GRAMD4: variants seen among roughly 807,000 people sequenced by gnomAD.
GRAMD4 encodes the protein GRAM domain containing 4, also known as GRAM domain-containing protein 4.
A neutral mutation model predicts 83.9 loss-of-function variants in GRAMD4; 25 were observed. The observed-to-expected ratio is 0.30, with a 90% CI of 0.22 to 0.42. GRAMD4 has a LOEUF of 0.42. Among genes scored for constraint, GRAMD4 ranks in the 10% least tolerant of loss-of-function variants. The probability of loss-of-function intolerance (pLI) is 1.00; values close to 1 mark genes in which losing one functional copy is unlikely to be tolerated. For missense variants in GRAMD4, 593 were observed against 788.7 expected, an observed-to-expected ratio of 0.75 and a Z score of 2.97; for synonymous variants, 336 against 320.9, an observed-to-expected ratio of 1.05 and a Z score of -0.50.
chr22:46,589,542 T>TG (rs376672805), intron 1 of GRAMD4, among the ~76,000 whole-genome samples: 10 of 150,760 alleles, frequency 6.6e-5, no homozygotes, highest in African/African-American at 2.4e-4. Flanking sequence ...CCAGGGGATG[T>TG]GGGGGGTGGC....
At chr22:46,669,267 G>A (rs576366593) in intron 13 of GRAMD4, among the ~76,000 whole-genome samples, 88 of 152,348 alleles carry the variant, frequency 5.8e-4, no homozygotes, top group Non-Finnish European at 9.1e-4. Context: ...GTCATGGAGA[G>A]CCTGAGAGCC....
At chr22:46,611,996 CAAA>C (rs61392000) in intron 1 of GRAMD4, among the ~76,000 whole-genome samples, 3 of 50,158 alleles carry the variant, frequency 6.0e-5, no homozygotes, top group East Asian at 7.7e-4. Context: ...GACTCCATCT[CAAA>C]AAAAAAAAAA....
intron 9 of GRAMD4, 104 bp from the exon 10 acceptor site, chr22:46,666,721 G>T: frequency 1.1e-6 from 1 of 942,900 alleles, no homozygotes; most frequent in Non-Finnish European, 1.7e-6. Flanking sequence ...GGACCTAGAA[G>T]GGCCCCCTCC....
At chr22:46,601,163 A>C (rs2081308727) in intron 1 of GRAMD4, among the ~76,000 whole-genome samples, 2 of 151,512 alleles carry the variant, frequency 1.3e-5, no homozygotes, top group African/African-American at 2.4e-5. Context: ...AAAAATCACT[A>C]CTTAAAAAAA....
chr22:46,626,751 G>A lies in GRAMD4; in HGVS notation c.-49G>A. On this transcript the variant is annotated splice_region_variant and 5_prime_UTR_variant, in exon 2 of 19. Transcript: ENST00000406902. ...GAGTGACCACGCCCCTCTCTTGCAG[G>A]GAACCCGAGCGTCATGTTAGGGTGA... 1 of 1,592,914 alleles carries A rather than the reference G, an allele frequency of 6.3e-7. No homozygotes were observed. Among genetic ancestry groups the A allele is most frequent in the Non-Finnish European group, 8.6e-7 (1 of 1,164,590 alleles).
rs1319529238 is a variant in GRAMD4, at chr22:46,679,275, G to C, written c.*2024G>C. 1 of 985,516 alleles carries C rather than the reference G, an allele frequency of 1.0e-6. No homozygotes were observed. The highest frequency in any genetic ancestry group is 4.7e-5 in the South Asian group (1 of 21,290). The allele number at this position is 985,516 out of a possible 1,614,324, so 61.0% of individuals were successfully genotyped here. A position where few individuals can be genotyped will look rare whatever the true frequency, so the allele number is the denominator to read the frequency against. On this transcript the variant is annotated 3_prime_UTR_variant, in exon 19 of 19. Coordinates refer to ENST00000406902, the MANE Select transcript of GRAMD4 (RefSeq NM_015124.5). ...CCCTGGGGCAGATGGGGCTTTACCA[G>C]CGTCGGGTGGTTTAGTTCGAGTCCC... is the stretch of plus-strand genomic sequence containing the variant.
At chr22:46,593,491 A>G (rs1305010726) in intron 1 of GRAMD4, among the ~76,000 whole-genome samples, 3 of 152,152 alleles carry the variant, frequency 2.0e-5, no homozygotes, top group Non-Finnish European at 4.4e-5. Context: ...CGCAGGGCCT[A>G]CCGAGAGTCC....
upstream of GRAMD4, among the ~76,000 whole-genome samples, chr22:46,616,630 C>CTG (rs2081500572): frequency 2.4e-5 from 3 of 126,318 alleles, no homozygotes; most frequent in East Asian, 2.6e-4. Flanking sequence ...GTAGGTTCCC[C>CTG]TGTGTGTACG....
chr22:46,661,932 C>A (rs1318703068), intron 5 of GRAMD4, among the ~76,000 whole-genome samples: 2 of 152,220 alleles, frequency 1.3e-5, no homozygotes, highest in South Asian at 4.1e-4. Context: ...TATCTTGCCC[C>A]ACGCCCTGCA....
chr22:46,617,418 G>A (rs1158422426), upstream of GRAMD4, among the ~76,000 whole-genome samples: 7 of 146,542 alleles, frequency 4.8e-5, no homozygotes, highest in Non-Finnish European at 1.0e-4. Flanking sequence ...GTTCCCCTGT[G>A]TGTAGGTTCC....
intron 1 of GRAMD4, among the ~76,000 whole-genome samples, chr22:46,625,298 G>T (rs560704458): frequency 5.7e-4 from 87 of 152,352 alleles, no homozygotes; most frequent in Non-Finnish European, 8.5e-4. Context: ...TGTGTCTTCG[G>T]TCCTCACTGT....
intron 1 of GRAMD4, among the ~76,000 whole-genome samples, chr22:46,586,294 C>T (rs1295051106): frequency 6.6e-6 from 1 of 152,164 alleles, no homozygotes; most frequent in Non-Finnish European, 1.5e-5. Flanking sequence ...ACGTGCCCCA[C>T]CCCCATCCTC....
rs919759896 is a variant in GRAMD4 at position 46,660,733 on chromosome 22, C to T, written c.405-648C>T. 4.6e-5 allele frequency among the ~76,000 whole-genome samples: 7 copies of T among 152,222 alleles called. No individual in the cohort carries two copies. In the East Asian group the frequency reaches 5.8e-4, roughly 13 times the overall value. On this transcript the variant is annotated intron_variant, in intron 4 of 18. Coordinates refer to ENST00000406902, the MANE Select transcript of GRAMD4 (RefSeq NM_015124.5). ...GCCGTGCCCTGTGTGCCCTGTGCTCCGCCCTCTGTTCTCTTCTCAGGGTTT... is the reference window on the plus strand; with the variant it reads ...GCCGTGCCCTGTGTGCCCTGTGCTCTGCCCTCTGTTCTCTTCTCAGGGTTT...
chr22:46,667,354 A>G (rs2082425813), intron 10 of GRAMD4, among the ~76,000 whole-genome samples: 2 of 152,108 alleles, frequency 1.3e-5, no homozygotes, highest in African/African-American at 4.8e-5. Context: ...AAACAGAACA[A>G]CGACAACAAA....
rs201041889 is a variant in GRAMD4, at chr22:46,648,699, C to CATGGATGG, written c.284-9468_284-9461dup. 2.3e-3 allele frequency among the ~76,000 whole-genome samples: 269 copies of CATGGATGG among 118,284 alleles called. 4 individuals are homozygous for CATGGATGG. The highest frequency in any genetic ancestry group is 8.0e-3 in the African/African-American group (241 of 30,100). The allele number at this position is 118,284 out of a possible 152,430, so 77.6% of individuals were successfully genotyped here. ...TGGGTAAATGATTGATGGATGGATG[C>CATGGATGG]ATGGATGGATGGATGGATGGATGGA... is the stretch of plus-strand genomic sequence containing the variant. On this transcript the variant is annotated intron_variant, in intron 3 of 18. Transcript: ENST00000406902.
intron 3 of GRAMD4, among the ~76,000 whole-genome samples, chr22:46,638,830 G>T (rs114202172): frequency 6.6e-6 from 1 of 152,162 alleles, no homozygotes; most frequent in East Asian, 1.9e-4. Context: ...GCTTACGACC[G>T]GGGTGCACAG....
chr22:46,613,687 A>C (rs536590617), intron 1 of GRAMD4, among the ~76,000 whole-genome samples: 7 of 152,310 alleles, frequency 4.6e-5, no homozygotes, highest in African/African-American at 1.7e-4. Flanking sequence ...GGGTGCCAGG[A>C]TGGGGCTAGA....
At chr22:46,654,659 G>A (rs1029935538) in intron 3 of GRAMD4, among the ~76,000 whole-genome samples, 7 of 152,182 alleles carry the variant, frequency 4.6e-5, no homozygotes, top group East Asian at 3.8e-4. Context: ...CTCCGTGCAC[G>A]GCCCGCTGGT....
intron 3 of GRAMD4, among the ~76,000 whole-genome samples, chr22:46,643,123 GCATCCATCCATGCATCCTTC>G (rs2082002773): frequency 4.2e-5 from 1 of 23,826 alleles, no homozygotes; most frequent in African/African-American, 1.7e-4. Context: ...ATCCATCCAT[GCATCCATCCATGCATCCTTC>G]CATCCATCCA....
Sources: gnomAD v4.1 joint callset for allele counts (sites outside exome capture counted in the v4.1 genomes callset) on GRCh38, gnomAD v4.1.1 for gene constraint, MANE v1.5 for transcripts, NCBI Gene and HGNC (gene_info 2026-07-23, HGNC 2026-07-21) for gene names.